The following TVP23B variants were observed in gnomAD, a reference collection of about 807,000 sequenced individuals.
The protein encoded by TVP23B is Golgi apparatus membrane protein TVP23 homolog B.
A neutral mutation model predicts 30.6 loss-of-function variants in TVP23B; 10 were observed. The ratio of observed to expected loss-of-function variants is 0.33; its 90% CI spans 0.20 to 0.55. TVP23B has a LOEUF of 0.55. Among genes scored for constraint, TVP23B ranks in the 20% least tolerant of loss-of-function variants. The probability of loss-of-function intolerance (pLI) is 0.91; values close to 1 mark genes in which losing one functional copy is unlikely to be tolerated. For missense variants in TVP23B, 153 were observed against 243.2 expected (o/e 0.63, Z 2.47); for synonymous variants, 67 against 83.1 (o/e 0.81, Z 1.06).
intron 1 of TVP23B, among the ~76,000 whole-genome samples, chr17:18,784,321 C>T (rs527585120): frequency 6.6e-6 from 1 of 152,254 alleles, no homozygotes; most frequent in South Asian, 2.1e-4. Flanking sequence ...ACTGGAACTG[C>T]TCTTACTGAG....
At chr17:18,804,745 C>T (rs1221400783) in intron 6 of TVP23B, 9 of 394,592 alleles carry the variant, frequency 2.3e-5, no homozygotes, top group African/African-American at 6.6e-5. Flanking sequence ...CATGCCACCA[C>T]GCCCAGCTAA....
At chr17:18,796,910 A>G (rs942903861) in intron 3 of TVP23B, 1 of 153,056 alleles carries the variant, frequency 6.5e-6, no homozygotes, top group Non-Finnish European at 1.5e-5. Context: ...ACTAGATCCA[A>G]TTTCCCTGTT....
At chr17:18,784,387 C>T (rs1047538960) in intron 1 of TVP23B, among the ~76,000 whole-genome samples, 30 of 152,150 alleles carry the variant, frequency 2.0e-4, no homozygotes, top group Non-Finnish European at 1.8e-4. Flanking sequence ...GGGCTCATGG[C>T]TGTAATCCCA....
At chr17:18,791,508 T>C (rs955403502) in intron 3 of TVP23B, among the ~76,000 whole-genome samples, 268 of 152,164 alleles carry the variant, frequency 1.8e-3, no homozygotes, top group Non-Finnish European at 3.4e-3. Context: ...GCAGTGTTTC[T>C]CAACCAGAGA....
chr17:18,805,963 T>C lies in TVP23B; in HGVS notation c.*396T>C, dbSNP rs1417385848. 1.0e-6 allele frequency: 1 copy of C among 976,186 alleles called. No homozygotes were observed. The highest frequency in any genetic ancestry group is 1.2e-6 in the Non-Finnish European group (1 of 818,392). The allele number at this position is 976,186 out of a possible 1,614,324, so 60.5% of individuals were successfully genotyped here. On this transcript the variant is annotated 3_prime_UTR_variant, in exon 7 of 7. Transcript: ENST00000307767. ...AGTCTGTCTCAAAGCTCTATATGTT[T>C]ACATATTATTTCTGTAGATTGTTTT...
At chr17:18,795,738 G>A (rs1274932992) in intron 3 of TVP23B, 7 of 152,096 alleles carry the variant, frequency 4.6e-5, no homozygotes, top group Non-Finnish European at 4.4e-5. Flanking sequence ...CACTTTCTGC[G>A]GTTTCAGTTA....
intron 5 of TVP23B, among the ~76,000 whole-genome samples, chr17:18,803,273 A>G (rs1308130257): frequency 6.6e-6 from 1 of 152,204 alleles, no homozygotes; most frequent in Non-Finnish European, 1.5e-5. Flanking sequence ...ATTGAAAAAC[A>G]GCCTTGCCCA....
At chr17:18,783,092 G>GTATTTATTTATTTATTT (rs2035834093) in intron 1 of TVP23B, among the ~76,000 whole-genome samples, 1 of 78,242 alleles carries the variant, frequency 1.3e-5, no homozygotes, top group Admixed American at 1.3e-4. Flanking sequence ...TTTATTTATT[G>GTATTTATTTATTTATTT]ATTGATTGAT....
rs762889436 is a variant in TVP23B, at chr17:18,791,187, G to GTTTTT, written c.240+168_240+172dup. 5.3e-3 allele frequency: 597 copies of GTTTTT among 112,124 alleles called. 1 individual carries two copies. Among genetic ancestry groups the GTTTTT allele is most frequent in the African/African-American group, 7.5e-3 (154 of 20,428 alleles). The allele number at this position is 112,124 out of a possible 1,614,324, so 6.9% of individuals were successfully genotyped here. On this transcript the variant is annotated intron_variant, in intron 3 of 6. Coordinates refer to ENST00000307767, the MANE Select transcript of TVP23B (RefSeq NM_016078.6). ...TGCTAGATATATCAAATTGCATGTA[G>GTTTTT]TTTTTTTTTTTTTTTTTTTTTTTTT... is the stretch of plus-strand genomic sequence containing the variant.
At chr17:18,786,518 C>T (rs987712719) in intron 1 of TVP23B, among the ~76,000 whole-genome samples, 1 of 151,856 alleles carries the variant, frequency 6.6e-6, no homozygotes, top group East Asian at 1.9e-4. Flanking sequence ...CTGTTGGGAT[C>T]GAGAGCAGAA....
chr17:18,781,445 G>C, intron 1 of TVP23B, 140 bp downstream of exon 1: 1 of 1,450,456 alleles, frequency 6.9e-7, no homozygotes, highest in Non-Finnish European at 9.2e-7. Context: ...GAGGGCTGTG[G>C]GTAGTTGTCT....
chr17:18,788,054 T>C (rs1000618941), intron 1 of TVP23B, among the ~76,000 whole-genome samples: 1 of 146,432 alleles, frequency 6.8e-6, no homozygotes, highest in African/African-American at 2.6e-5. Context: ...CCTAAGGTTA[T>C]GGGGCCGGGC....
intron 4 of TVP23B, among the ~76,000 whole-genome samples, chr17:18,798,094 T>C (rs2036102889): frequency 6.6e-6 from 1 of 152,264 alleles, no homozygotes; most frequent in African/African-American, 2.4e-5. Flanking sequence ...ATAGAATATC[T>C]GATCGGAGCA....
intron 6 of TVP23B, among the ~76,000 whole-genome samples, 169 bp from the exon 7 acceptor site, chr17:18,805,372 C>T (rs932754464): frequency 5.3e-5 from 8 of 152,088 alleles, no homozygotes; most frequent in Non-Finnish European, 8.8e-5. Context: ...GTGTAAGCCA[C>T]GGCGCCCAGC....
intron 3 of TVP23B, among the ~76,000 whole-genome samples, chr17:18,793,385 A>C (rs1354834813): frequency 6.7e-6 from 1 of 149,558 alleles, no homozygotes; most frequent in Non-Finnish European, 1.5e-5. Context: ...AGGCGGGTGG[A>C]TCATGAGGTC....
chr17:18,798,027 T>C (rs1038013012), intron 4 of TVP23B, among the ~76,000 whole-genome samples: 12 of 152,088 alleles, frequency 7.9e-5, no homozygotes, highest in Non-Finnish European at 1.5e-4. Flanking sequence ...GTTCTGTCTT[T>C]GCTCCTGTGG....
Position 18,781,214 on chromosome 17 carries a change from G to C in TVP23B, c.-80G>C, listed in dbSNP as rs58011943. On this transcript the variant is annotated 5_prime_UTR_variant, in exon 1 of 7. Transcript: ENST00000307767. The stretch of plus-strand genomic sequence containing the variant: ...GTGGTCCCTGCTGGCCCTTGGTGAC[G>C]GGTCGCCTCAGTTCCGACCCGGACC... The C allele has an allele frequency of 0.081, 125,293 of 1,542,422 alleles. 5,250 individuals carry two copies. The highest frequency in any genetic ancestry group is 0.11 in the African/African-American group (8,237 of 72,960).
chr17:18,805,180 C>G (rs1214849724), intron 6 of TVP23B, among the ~76,000 whole-genome samples: 1 of 151,358 alleles, frequency 6.6e-6, no homozygotes, highest in Non-Finnish European at 1.5e-5. Flanking sequence ...GCTCCGCCTC[C>G]CGGGTTCACG....
chr17:18,801,421 G>C (rs547468171), intron 5 of TVP23B, among the ~76,000 whole-genome samples: 1 of 152,126 alleles, frequency 6.6e-6, no homozygotes, highest in East Asian at 1.9e-4. Flanking sequence ...TGCTGGTTTA[G>C]TGCGGGTGAA....
Sources: allele counts gnomAD v4.1 joint callset (sites outside exome capture counted in the v4.1 genomes callset), GRCh38; gene constraint gnomAD v4.1.1; transcripts MANE v1.5; gene names NCBI Gene and HGNC (gene_info 2026-07-23, HGNC 2026-07-21).